The following GRIK4 variants were observed in gnomAD, a reference collection of about 807,000 sequenced individuals.
GRIK4 encodes glutamate ionotropic receptor kainate type subunit 4.
GRIK4 carries 40 observed loss-of-function variants against 104.9 expected under a neutral mutation model. The observed-to-expected ratio is 0.38, with a 90% confidence interval of 0.30 to 0.50. The LOEUF is 0.50. Among genes scored for constraint, GRIK4 ranks in the 20% least tolerant of loss-of-function variants. GRIK4 has a pLI of 0.93. For synonymous variants in GRIK4, 485 were observed against 524.9 expected, an observed-to-expected ratio of 0.92 and a Z score of 1.04; for missense variants, 1,047 against 1,308.1, an observed-to-expected ratio of 0.80 and a Z score of 3.08.
intron 1 of GRIK4, among the ~76,000 whole-genome samples, chr11:120,621,712 C>T (rs902248636): frequency 6.6e-6 from 1 of 151,996 alleles, no homozygotes; most frequent in Admixed American, 6.6e-5. Context: ...GTTCTTTGGG[C>T]CTTATTTTCT....
chr11:120,728,146 A>G (rs1279078743), intron 3 of GRIK4, among the ~76,000 whole-genome samples: 3 of 152,188 alleles, frequency 2.0e-5, no homozygotes. Context: ...TTTTAAAGAA[A>G]AAGAAAAAAA....
At chr11:120,665,558 T>G (rs1002784705) in intron 3 of GRIK4, among the ~76,000 whole-genome samples, 5 of 152,190 alleles carry the variant, frequency 3.3e-5, no homozygotes, top group African/African-American at 1.2e-4. Context: ...AGTAGTGGGC[T>G]TAGTAAATGT....
At chr11:120,938,351 G>C (rs192920605) in intron 13 of GRIK4, among the ~76,000 whole-genome samples, 73 of 152,290 alleles carry the variant, frequency 4.8e-4, no homozygotes, top group African/African-American at 1.7e-3. Flanking sequence ...ATACAGAATG[G>C]ATCATTCACA....
At chr11:120,688,166 C>A (rs1174391856) in intron 3 of GRIK4, among the ~76,000 whole-genome samples, 2 of 152,178 alleles carry the variant, frequency 1.3e-5, no homozygotes, top group South Asian at 2.1e-4. Context: ...ATCAGCTCAC[C>A]TCTTCACACT....
intron 1 of GRIK4, among the ~76,000 whole-genome samples, chr11:120,621,780 C>T (rs186244581): frequency 6.6e-6 from 1 of 152,314 alleles, no homozygotes; most frequent in Non-Finnish European, 1.5e-5. Context: ...GACATACTGT[C>T]ATCCGTAGAG....
intron 3 of GRIK4, among the ~76,000 whole-genome samples, chr11:120,668,184 G>GAGGT (rs1218076031): frequency 1.4e-4 from 22 of 152,070 alleles, no homozygotes; most frequent in Admixed American, 1.4e-3. Context: ...GGTAGATAGA[G>GAGGT]AGGTAGGTAG....
At chr11:120,590,847 G>T (rs1391759122) in intron 1 of GRIK4, among the ~76,000 whole-genome samples, 3 of 152,096 alleles carry the variant, frequency 2.0e-5, no homozygotes, top group Admixed American at 6.5e-5. Flanking sequence ...TCTGAGATGG[G>T]TACTGCTATC....
intron 3 of GRIK4, among the ~76,000 whole-genome samples, chr11:120,736,406 C>G (rs1951221306): frequency 6.6e-6 from 1 of 151,326 alleles, no homozygotes; most frequent in African/African-American, 2.4e-5. Context: ...GGTTGGGGGA[C>G]CAAGCACTCC....
At chr11:120,760,585 A>C (rs2135439509) in intron 3 of GRIK4, among the ~76,000 whole-genome samples, 1 of 152,026 alleles carries the variant, frequency 6.6e-6, no homozygotes, top group Middle Eastern at 3.4e-3. Context: ...TCCTAATGCT[A>C]TCCCTCACCT....
intron 13 of GRIK4, among the ~76,000 whole-genome samples, chr11:120,912,643 G>A (rs1399798006): frequency 1.3e-5 from 2 of 152,222 alleles, no homozygotes; most frequent in Non-Finnish European, 2.9e-5. Flanking sequence ...GATGGAGACA[G>A]CAGCCAGGGA....
chr11:120,616,061 T>C (rs1321382774), intron 1 of GRIK4, among the ~76,000 whole-genome samples: 1 of 152,142 alleles, frequency 6.6e-6, no homozygotes, highest in Non-Finnish European at 1.5e-5. Flanking sequence ...CCGGGATCCA[T>C]TACATTAGAT....
chr11:120,713,949 GGTCTTGT>G (rs1297728669), intron 3 of GRIK4, among the ~76,000 whole-genome samples: 5 of 152,186 alleles, frequency 3.3e-5, no homozygotes, highest in African/African-American at 1.2e-4. Context: ...GCTGGAATCA[GGTCTTGT>G]GCTCTGCTCT....
chr11:120,925,519 C>T (rs1172055046), intron 13 of GRIK4, among the ~76,000 whole-genome samples: 1 of 152,168 alleles, frequency 6.6e-6, no homozygotes, highest in Non-Finnish European at 1.5e-5. Flanking sequence ...GTCAGCGACC[C>T]AGAGCTTAAC....
chr11:120,621,785 G>A lies in GRIK4; in HGVS notation c.-158-31900G>A, dbSNP rs571317370. On this transcript the variant is annotated intron_variant, in intron 1 of 20. Transcript: ENST00000527524. ...AGTCAGTTTTGACATACTGTCATCC[G>A]TAGAGACTTCTCAGCTGCAGCGGCA... 9.7e-4 allele frequency among the ~76,000 whole-genome samples: 148 copies of A among 152,318 alleles called. 1 individual carries two copies. The highest frequency in any genetic ancestry group is 3.3e-3 in the African/African-American group (138 of 41,556).
chr11:120,528,619 A>T (rs967870310), intron 1 of GRIK4, among the ~76,000 whole-genome samples: 1 of 152,214 alleles, frequency 6.6e-6, no homozygotes, highest in Non-Finnish European at 1.5e-5. Context: ...GGGTTAATGA[A>T]GTTACAGTTC....
chr11:120,542,305 A>C (rs1948045714), intron 1 of GRIK4, among the ~76,000 whole-genome samples: 1 of 152,256 alleles, frequency 6.6e-6, no homozygotes, highest in Non-Finnish European at 1.5e-5. Context: ...AAATTAACTG[A>C]AAATGGATTA....
chr11:120,634,700 A>G (rs1216683029), intron 1 of GRIK4, among the ~76,000 whole-genome samples: 1 of 152,124 alleles, frequency 6.6e-6, no homozygotes, highest in Non-Finnish European at 1.5e-5. Flanking sequence ...GGGAGCTGAA[A>G]AGAGACAGAG....
rs541483586 is a variant in GRIK4 at position 120,902,488 on chromosome 11, G to A, written c.1273-2802G>A. 2.0e-5 allele frequency among the ~76,000 whole-genome samples: 3 copies of A among 152,216 alleles called. No homozygotes were observed. Among genetic ancestry groups the A allele is most frequent in the African/African-American group, 7.2e-5 (3 of 41,538 alleles). The stretch of plus-strand genomic sequence containing the variant: ...GGAGAAGAATTTGTGACACCCCTTG[G>A]GACAATCAAAGATACAATGGGACAT... On this transcript the variant is annotated intron_variant, in intron 12 of 20. Coordinates refer to ENST00000527524, the MANE Select transcript of GRIK4 (RefSeq NM_014619.5). This position sits in a 1 kb window ranked among gnomAD's most constrained non-coding sequence, Gnocchi z 4.5.
chr11:120,703,475 C>T (rs527748602), intron 3 of GRIK4, among the ~76,000 whole-genome samples: 1 of 152,156 alleles, frequency 6.6e-6, no homozygotes, highest in East Asian at 1.9e-4. Context: ...AGTTTACAAG[C>T]TCTCTAAAGT....
Sources: gnomAD v4.1 joint callset for allele counts (sites outside exome capture counted in the v4.1 genomes callset) on GRCh38, gnomAD v4.1.1 for gene constraint, Gnocchi (gnomAD v3.1) non-coding constraint, MANE v1.5 for transcripts, NCBI Gene and HGNC (gene_info 2026-07-23, HGNC 2026-07-21) for gene names.